RASGRP4: variants seen among roughly 807,000 people sequenced by gnomAD.
RASGRP4 encodes the protein RAS guanyl-releasing protein 4.
In RASGRP4, 52 loss-of-function variants were observed where a neutral mutation model predicts 84.4. That is an observed-to-expected ratio of 0.62 (90% CI 0.49 to 0.78). The LOEUF is 0.78. Among genes scored for constraint, RASGRP4 ranks in the 30% least tolerant of loss-of-function variants. The pLI is 0.00. For synonymous variants in RASGRP4, 356 were observed against 359.1 expected, an observed-to-expected ratio of 0.99 and a Z score of 0.10; for missense variants, 760 against 886.9, an observed-to-expected ratio of 0.86 and a Z score of 1.82.
chr19:38,418,300 C>G lies in RASGRP4; in HGVS notation c.837+91G>C. The G allele has an allele frequency of 7.3e-7, 1 of 1,361,862 alleles. No homozygotes were observed. The highest frequency in any genetic ancestry group is 1.3e-5 in the South Asian group (1 of 76,550). 84.4% of individuals were successfully genotyped at this position (1,361,862 alleles called of 1,614,324 possible). On this transcript the variant is annotated intron_variant, in intron 7 of 16. Coordinates refer to ENST00000615439, the MANE Select transcript of RASGRP4 (RefSeq NM_170604.3). This position sits in a 1 kb window ranked among gnomAD's most constrained non-coding sequence, Gnocchi z 4.6. ...GCCGGGAGATGCGTGACGTCACCGC[C>G]GGGATGACCCTGTGGGGTCGAGGGT...
In RASGRP4 at chr19:38,413,732, A is replaced by C. The variant is rs944200006; in HGVS notation, c.1231-258T>G. On this transcript the variant is annotated intron_variant, in intron 9 of 16. Transcript: ENST00000615439. This position sits in a 1 kb window ranked among gnomAD's most constrained non-coding sequence, Gnocchi z 4.7. ...ACACAGTCAATGATCAATAACTGTT[A>C]GTAGCCTTTTGCTTAGATTCTTGGA... Among the ~76,000 whole-genome samples the C allele has an allele frequency of 2.0e-5, 3 of 152,176 alleles. No individual in the cohort carries two copies. Among genetic ancestry groups the C allele is most frequent in the Non-Finnish European group, 4.4e-5 (3 of 68,034 alleles).
chr19:38,422,080 A>T lies in RASGRP4; in HGVS notation c.97T>A (p.Cys33Ser), dbSNP rs771905697. Residue 33 changes from cysteine (C) to serine (S), a missense_variant, in exon 2 of 17, where the codon TGC (cysteine) becomes AGC (serine). By Grantham distance (112) the Cys-to-Ser change is moderately radical. Coordinates refer to ENST00000615439, the MANE Select transcript of RASGRP4 (RefSeq NM_170604.3). ...RPRQVRRHKT[C>S]PSPREISKVM... ...TTGCTGATTTCCCGAGGGCTGGGGC[A>T]TGTCTTGTGGCGGCGCACTTGGCGG... 2.5e-6 allele frequency: 4 copies of T among 1,613,730 alleles called. No homozygotes were observed. The South Asian group carries it at 4.4e-5, about 18-fold the overall frequency.
intron 8 of RASGRP4, 117 bp from the exon 9 acceptor site, chr19:38,415,240 C>T: frequency 1.1e-6 from 1 of 922,792 alleles, no homozygotes; most frequent in Non-Finnish European, 1.6e-6. Flanking sequence ...ACCTCTGGAG[C>T]CCTTCCATAT....
chr19:38,418,496 T>G lies in RASGRP4; in HGVS notation c.732A>C (p.Val244=), dbSNP rs753512792. ...AGCGGGACACGCTGTTGCTGAGACC[T>G]ACGGAGCCCTCCAGGGCCGGGCAGC... ...VRGCPALEGS[V]GLSNSVSRWV... is the part of the protein sequence containing the mutation. The change falls in exon 7 of 17, where the codon GTA becomes GTC. Residue 244 remains valine (V), a synonymous_variant. Transcript: ENST00000615439. The surrounding 1 kb of genome is among the most constrained non-coding windows in gnomAD (Gnocchi z 4.6). The G allele has an allele frequency of 2.6e-6, 4 of 1,565,526 alleles. No individual in the cohort carries two copies. Among genetic ancestry groups the G allele is most frequent in the Non-Finnish European group, 3.5e-6 (4 of 1,155,612 alleles).
In RASGRP4 at chr19:38,420,976, T is replaced by C. The variant is rs1267296088; in HGVS notation, c.315-6A>G. 6.2e-7 allele frequency: 1 copy of C among 1,613,876 alleles called. No individual in the cohort carries two copies. The highest frequency in any genetic ancestry group is 1.6e-4 in the Middle Eastern group (1 of 6,062). On this transcript the variant is annotated splice_region_variant and splice_polypyrimidine_tract_variant and intron_variant, in intron 3 of 16. Coordinates refer to ENST00000615439, the MANE Select transcript of RASGRP4 (RefSeq NM_170604.3). ...CCCCTGTGGCCTTCTGGTATTTGAG[T>C]TCTGGTCAAGGCTCTGTTTTCCAGG... is the stretch of plus-strand genomic sequence containing the variant.
rs191763731 is a variant in RASGRP4 at position 38,413,174 on chromosome 19, G to T, written c.1416+19C>A. On this transcript the variant is annotated intron_variant, in intron 11 of 16. Transcript: ENST00000615439. This position sits in a 1 kb window ranked among gnomAD's most constrained non-coding sequence, Gnocchi z 4.7. ...TTCCCTCCTGGCTGCTGGCGGCCGG[G>T]CCACCCTCCCCTCCTTACCTCCACC... The T allele has an allele frequency of 1.4e-3, 2,321 of 1,607,474 alleles. 30 individuals are homozygous for T. In the African/African-American group the frequency reaches 0.028, roughly 19 times the overall value.
rs189243608 is a variant in RASGRP4, at chr19:38,420,382, G to T, written c.378-120C>A. 8.6e-4 allele frequency: 968 copies of T among 1,130,380 alleles called. 11 individuals are homozygous for T. The African/African-American group carries it at 0.014, about 16-fold the overall frequency. The allele number at this position is 1,130,380 out of a possible 1,614,324, so 70.0% of individuals were successfully genotyped here. A position where few individuals can be genotyped will look rare whatever the true frequency, so the allele number is the denominator to read the frequency against. On this transcript the variant is annotated intron_variant, in intron 4 of 16. Transcript: ENST00000615439. Reference sequence around the variant, plus strand: ...AGGGGGTCTCTAAATGTGTGTGGGGGTCCCTGGAGGGTTGGGGTTTGGAGG... The same window carrying T: ...AGGGGGTCTCTAAATGTGTGTGGGGTTCCCTGGAGGGTTGGGGTTTGGAGG...
chr19:38,413,371 C>A lies in RASGRP4; in HGVS notation c.1311+23G>T. 1 of 1,607,092 alleles carries A rather than the reference C, an allele frequency of 6.2e-7. No homozygotes were observed. The highest frequency in any genetic ancestry group is 1.7e-5 in the Admixed American group (1 of 59,014). The stretch of plus-strand genomic sequence containing the variant: ...GGGGTTCGAGGTAATTGGGGGAGTC[C>A]GAGGCCAGGGGTTGGGTCTCACCAG... On this transcript the variant is annotated intron_variant, in intron 10 of 16. Coordinates refer to ENST00000615439, the MANE Select transcript of RASGRP4 (RefSeq NM_170604.3). This position sits in a 1 kb window ranked among gnomAD's most constrained non-coding sequence, Gnocchi z 4.7.
In RASGRP4 at chr19:38,412,112, T is replaced by C. The variant is rs1169235137; in HGVS notation, c.1680+560A>G. On this transcript the variant is annotated intron_variant, in intron 13 of 16. Coordinates refer to ENST00000615439, the MANE Select transcript of RASGRP4 (RefSeq NM_170604.3). This position sits in a 1 kb window ranked among gnomAD's most constrained non-coding sequence, Gnocchi z 4.6. ...TTGTTGTTGTTGTTGTTGTTGTTGT[T>C]GTTGTTGTTGTTGTTGTTGTTTTTG... Among the ~76,000 whole-genome samples the C allele has an allele frequency of 6.6e-6, 1 of 151,302 alleles. No homozygotes were observed. Among genetic ancestry groups the C allele is most frequent in the Non-Finnish European group, 1.5e-5 (1 of 67,732 alleles).
Position 38,420,008 on chromosome 19 carries a change from C to T in RASGRP4, c.515G>A (p.Ser172Asn). 6.2e-7 allele frequency: 1 copy of T among 1,613,640 alleles called. No individual in the cohort carries two copies. Among genetic ancestry groups the T allele is most frequent in the Non-Finnish European group, 8.5e-7 (1 of 1,179,600 alleles). ...GAGTGGGGGGCCAGGGCCACCAGGG[C>T]TCAGGCTGGGGGCCAAGAGGGGCAG... ...RRLGDSSDLL[S>N]PGGPGPPLPM... Residue 172 changes from serine to asparagine, a missense_variant, in exon 6 of 17, where the codon AGC (serine) becomes AAC (asparagine). By Grantham distance (46) the Ser-to-Asn change is conservative (BLOSUM62 1). Transcript: ENST00000615439.
rs1971373679 is a variant in RASGRP4 at position 38,413,627 on chromosome 19, C to T, written c.1231-153G>A. On this transcript the variant is annotated intron_variant, in intron 9 of 16. Transcript: ENST00000615439. This position sits in a 1 kb window ranked among gnomAD's most constrained non-coding sequence, Gnocchi z 4.7. ...GGGCAAGGGACCTCACCTCTCTGGG[C>T]CTCAGTTTCCCAATCTACAGAATGG... Among the ~76,000 whole-genome samples the T allele has an allele frequency of 6.6e-6, 1 of 152,114 alleles. No homozygotes were observed. The highest frequency in any genetic ancestry group is 1.5e-5 in the Non-Finnish European group (1 of 68,030).
chr19:38,409,974 GTC>G lies in RASGRP4; in HGVS notation c.*64_*65del. 3.7e-6 allele frequency: 5 copies of G among 1,359,864 alleles called. No individual in the cohort carries two copies. The highest frequency in any genetic ancestry group is 5.1e-6 in the Non-Finnish European group (5 of 978,822). 84.2% of individuals were successfully genotyped at this position (1,359,864 alleles called of 1,614,324 possible). A position where few individuals can be genotyped will look rare whatever the true frequency, so the allele number is the denominator to read the frequency against. ...GCCTACCTCTGGGAGCCCTGCCAGA[GTC>G]TGACGGCAGGACTCAGGACTGACTG... On this transcript the variant is annotated 3_prime_UTR_variant, in exon 17 of 17. Transcript: ENST00000615439.
chr19:38,414,217 G>A (rs1161685794), intron 9 of RASGRP4, among the ~76,000 whole-genome samples: 2 of 152,122 alleles, frequency 1.3e-5, no homozygotes, highest in Admixed American at 6.5e-5. Context: ...GAGCCACTGC[G>A]CCCGGCTAGA....
intron 16 of RASGRP4, among the ~76,000 whole-genome samples, chr19:38,410,436 A>C (rs1355875440): frequency 1.4e-5 from 2 of 143,848 alleles, no homozygotes; most frequent in Non-Finnish European, 3.0e-5. Context: ...TTTTTGAGAC[A>C]GGGTCTTGCT....
intron 1 of RASGRP4, 100 bp from the exon 2 acceptor site, chr19:38,422,253 T>A: frequency 8.8e-7 from 1 of 1,132,030 alleles, no homozygotes. Flanking sequence ...CGGGAGAGGC[T>A]TCCTAAAGGC....
chr19:38,422,197 G>A lies in RASGRP4; in HGVS notation c.24-44C>T, dbSNP rs79461922. On this transcript the variant is annotated intron_variant, in intron 1 of 16. Coordinates refer to ENST00000615439, the MANE Select transcript of RASGRP4 (RefSeq NM_170604.3). The stretch of plus-strand genomic sequence containing the variant: ...AGGAGTCATGGGAGCACCTTCTTTC[G>A]GACAGACCCTAGAATTCCTTTTGAC... 2,144 of 1,536,920 alleles carry A rather than the reference G, an allele frequency of 1.4e-3. 28 individuals carry two copies. In the East Asian group the frequency reaches 0.031, roughly 22 times the overall value.
chr19:38,426,026 G>C (rs574139938), intron 1 of RASGRP4, 43 bp downstream of exon 1: 5 of 1,351,716 alleles, frequency 3.7e-6, no homozygotes, highest in Non-Finnish European at 4.8e-6. Flanking sequence ...TGCAGAGGGA[G>C]GCCTCAGGGT....
At chr19:38,424,831 G>C (rs117559170) in intron 1 of RASGRP4, among the ~76,000 whole-genome samples, 1 of 152,018 alleles carries the variant, frequency 6.6e-6, no homozygotes, top group Non-Finnish European at 1.5e-5. Flanking sequence ...AGTACCAAAA[G>C]CATCACCTGG....
In RASGRP4 at chr19:38,417,061, G is replaced by A. The variant is rs755584074; in HGVS notation, c.945C>T (p.Asp315=). The stretch of plus-strand genomic sequence containing the variant: ...GGGTAGTGGGATTCACCTTGGTGCT[G>A]TCAGGGCTCAGGTGGGCATGGGAGT... ...LKDSHAHLSP[D]STKALLELTE... The change falls in exon 8 of 17, where the codon GAC becomes GAT. Residue 315 remains aspartate, a synonymous_variant. Transcript: ENST00000615439. This position sits in a 1 kb window ranked among gnomAD's most constrained non-coding sequence, Gnocchi z 5.1. 7 of 1,550,160 alleles carry A rather than the reference G, an allele frequency of 4.5e-6. No homozygotes were observed. The highest frequency in any genetic ancestry group is 4.1e-5 in the African/African-American group (3 of 73,146).
Sources: gnomAD v4.1 joint callset for allele counts (sites outside exome capture counted in the v4.1 genomes callset) on GRCh38, gnomAD v4.1.1 for gene constraint, Gnocchi (gnomAD v3.1) non-coding constraint, MANE v1.5 for transcripts, NCBI Gene and HGNC (gene_info 2026-07-23, HGNC 2026-07-21) for gene names.